PCDHGB6: variants seen among roughly 807,000 people sequenced by gnomAD.
PCDHGB6 encodes the protein protocadherin gamma-B6.
A neutral mutation model predicts 59.1 loss-of-function variants in PCDHGB6; 51 were observed. That is an observed-to-expected ratio of 0.86 (90% CI 0.69 to 1.09). The LOEUF (loss-of-function observed/expected upper bound fraction) is 1.09. Among genes scored for constraint, PCDHGB6 ranks in the 50% least tolerant of loss-of-function variants. The probability of loss-of-function intolerance (pLI) is 0.00; values close to 1 mark genes in which losing one functional copy is unlikely to be tolerated. For missense variants in PCDHGB6, 1,148 were observed against 1,205.1 expected (o/e 0.95, Z 0.70); for synonymous variants, 466 against 495.1 (o/e 0.94, Z 0.78).
Position 141,486,632 on chromosome 5 carries a change from A to G in PCDHGB6, c.2419-8175A>G, listed in dbSNP as rs1304397413. The G allele has an allele frequency of 6.2e-7, 1 of 1,613,580 alleles. No individual in the cohort carries two copies. Among genetic ancestry groups the G allele is most frequent in the Non-Finnish European group, 8.5e-7 (1 of 1,180,040 alleles). ...AGCCTCTGACCCAGACTCTGGCTTG[A>G]ATGCGCTTATCTCCTACTCACTCCT... On this transcript the variant is annotated intron_variant, in intron 1 of 3. Coordinates refer to ENST00000520790, the MANE Select transcript of PCDHGB6 (RefSeq NM_018926.3). This position sits in a 1 kb window ranked among gnomAD's most constrained non-coding sequence, Gnocchi z 5.0.
chr5:141,415,982 T>A lies in PCDHGB6; in HGVS notation c.2418+5362T>A, dbSNP rs531852883. The A allele has an allele frequency of 1.9e-4, 66 of 342,492 alleles. 1 individual carries two copies. Among genetic ancestry groups the A allele is most frequent in the African/African-American group, 1.3e-3 (59 of 46,668 alleles). 21.2% of individuals were successfully genotyped at this position (342,492 alleles called of 1,614,324 possible). A position where few individuals can be genotyped will look rare whatever the true frequency, so the allele number is the denominator to read the frequency against. ...AACTCCAGCCCCTTAAGCAACCCTC[T>A]TGTTCTGAAGGCAGGTCTGGTAAGA... On this transcript the variant is annotated intron_variant, in intron 1 of 3. Transcript: ENST00000520790.
At chr5:141,497,677 C>T in intron 2 of PCDHGB6, among the ~76,000 whole-genome samples, 1 of 151,836 alleles carries the variant, frequency 6.6e-6, no homozygotes, top group East Asian at 1.9e-4. Context: ...GTAGCTGGGA[C>T]AGCAGGTGTG....
chr5:141,420,960 T>C, intron 1 of PCDHGB6: 1 of 425,378 alleles, frequency 2.4e-6, no homozygotes, highest in East Asian at 3.9e-5. Context: ...TCTTAGTCGT[T>C]GCAATAATAA....
Position 141,506,991 on chromosome 5 carries a change from C to T in PCDHGB6, c.2566+1510C>T, listed in dbSNP as rs190455068. 3 of 152,366 alleles carry T rather than the reference C, an allele frequency of 2.0e-5. No homozygotes were observed. In the East Asian group the frequency reaches 5.8e-4, roughly 29 times the overall value. The allele number at this position is 152,366 out of a possible 1,614,324, so 9.4% of individuals were successfully genotyped here. A position where few individuals can be genotyped will look rare whatever the true frequency, so the allele number is the denominator to read the frequency against. The stretch of plus-strand genomic sequence containing the variant: ...TGCAAGGCAGGTCTGATTTCTCACA[C>T]TCGACAGATGAGAGAACCGAGAAGG... On this transcript the variant is annotated intron_variant, in intron 3 of 3. Coordinates refer to ENST00000520790, the MANE Select transcript of PCDHGB6 (RefSeq NM_018926.3).
intron 1 of PCDHGB6, chr5:141,428,158 G>C (rs776350833): frequency 3.8e-6 from 6 of 1,577,610 alleles, no homozygotes; most frequent in Non-Finnish European, 5.2e-6. Context: ...GGAACCTGCT[G>C]GTTGCTGTGC....
At position 141,432,032 on chromosome 5, in the gene PCDHGB6, A is replaced by G; in HGVS notation, c.2418+21412A>G. On this transcript the variant is annotated intron_variant, in intron 1 of 3. Coordinates refer to ENST00000520790, the MANE Select transcript of PCDHGB6 (RefSeq NM_018926.3). The surrounding 1 kb of genome is among the most constrained non-coding windows in gnomAD (Gnocchi z 6.0). ...TAGCTACAACATCACAGTGACCGCC[A>G]CTGACCGGGGAACCCCGCCCCTATC... 2 of 1,614,242 alleles carry G rather than the reference A, an allele frequency of 1.2e-6. No homozygotes were observed. Among genetic ancestry groups the G allele is most frequent in the South Asian group, 1.1e-5 (1 of 91,086 alleles).
At chr5:141,458,308 A>G (rs1363472724) in intron 1 of PCDHGB6, among the ~76,000 whole-genome samples, 1 of 152,196 alleles carries the variant, frequency 6.6e-6, no homozygotes, top group Non-Finnish European at 1.5e-5. Context: ...AGATAAAATG[A>G]CACAGACACA....
chr5:141,420,968 T>A (rs1031890748), intron 1 of PCDHGB6: 1 of 441,548 alleles, frequency 2.3e-6, no homozygotes, highest in Non-Finnish European at 4.0e-6. Context: ...GTTGCAATAA[T>A]AAGAATGGGC....
At position 141,485,800 on chromosome 5, in the gene PCDHGB6, C is replaced by T. The variant is rs1231777430; in HGVS notation, c.2419-9007C>T. On this transcript the variant is annotated intron_variant, in intron 1 of 3. Coordinates refer to ENST00000520790, the MANE Select transcript of PCDHGB6 (RefSeq NM_018926.3). This position sits in a 1 kb window ranked among gnomAD's most constrained non-coding sequence, Gnocchi z 5.7. The stretch of plus-strand genomic sequence containing the variant: ...ATCGAGAGAAGCAATCGGACTACCG[C>T]CTGGTGCTGACTGCTGTCGATGGAG... 1 of 1,614,228 alleles carries T rather than the reference C, an allele frequency of 6.2e-7. No homozygotes were observed. Among genetic ancestry groups the T allele is most frequent in the East Asian group, 2.2e-5 (1 of 44,878 alleles).
rs768990626 is a variant in PCDHGB6, at chr5:141,427,590, C to T, written c.2418+16970C>T. On this transcript the variant is annotated intron_variant, in intron 1 of 3. Coordinates refer to ENST00000520790, the MANE Select transcript of PCDHGB6 (RefSeq NM_018926.3). ...GCCTCCGCTCTCATCCAGCACAAGCCTCACCCTACGCATTGGTGAAGTCAA... is the reference window on the plus strand; with the variant it reads ...GCCTCCGCTCTCATCCAGCACAAGCTTCACCCTACGCATTGGTGAAGTCAA... 44 of 678,892 alleles carry T rather than the reference C, an allele frequency of 6.5e-5. No individual in the cohort carries two copies. In the Admixed American group the frequency reaches 8.5e-4, roughly 13 times the overall value. The allele number at this position is 678,892 out of a possible 1,614,324, so 42.1% of individuals were successfully genotyped here.
At position 141,408,867 on chromosome 5, in the gene PCDHGB6, G is replaced by T. The variant is rs376342658; in HGVS notation, c.665G>T (p.Arg222Ile). 5.5e-5 allele frequency: 88 copies of T among 1,613,574 alleles called. No homozygotes were observed. The highest frequency in any genetic ancestry group is 6.8e-5 in the Non-Finnish European group (80 of 1,179,830). ...LTALDGGDPP[R>I]SATAHIEISV... is the part of the protein sequence containing the mutation. ...GCCTTGGACGGAGGGGACCCACCAA[G>T]AAGTGCCACCGCTCACATAGAAATT... The change falls in exon 1 of 4, where the codon AGA becomes ATA. Residue 222 changes from arginine (R) to isoleucine (I), a missense_variant. By Grantham distance (97) the Arg-to-Ile change is moderately conservative. Transcript: ENST00000520790.
intron 1 of PCDHGB6, chr5:141,478,776 A>G (rs961079570): frequency 1.3e-6 from 2 of 1,488,690 alleles, no homozygotes; most frequent in East Asian, 2.5e-5. Flanking sequence ...TCATCTGTGG[A>G]CCTAATTCAC....
intron 1 of PCDHGB6, among the ~76,000 whole-genome samples, chr5:141,462,399 T>C (rs2099038838): frequency 6.6e-6 from 1 of 152,236 alleles, no homozygotes; most frequent in South Asian, 2.1e-4. Flanking sequence ...ATTTCTTTTA[T>C]GGCACAGAAT....
chr5:141,487,181 C>T lies in PCDHGB6; in HGVS notation c.2419-7626C>T. 3 of 1,612,732 alleles carry T rather than the reference C, an allele frequency of 1.9e-6. No individual in the cohort carries two copies. The highest frequency in any genetic ancestry group is 1.1e-5 in the South Asian group (1 of 91,060). ...CTTAGTGTCCTTAGAGGAAGACACT[C>T]ATCCAGTTGTCCCAGATCTTCGAGA... On this transcript the variant is annotated intron_variant, in intron 1 of 3. Transcript: ENST00000520790. This position sits in a 1 kb window ranked among gnomAD's most constrained non-coding sequence, Gnocchi z 5.0.
chr5:141,451,874 C>T (rs1264178631), intron 1 of PCDHGB6, among the ~76,000 whole-genome samples: 1 of 151,956 alleles, frequency 6.6e-6, no homozygotes, highest in Non-Finnish European at 1.5e-5. Context: ...GAATGAAACC[C>T]TGTCAAGAAA....
intron 1 of PCDHGB6, among the ~76,000 whole-genome samples, chr5:141,446,948 T>C (rs1166868490): frequency 6.6e-6 from 1 of 152,186 alleles, no homozygotes; most frequent in African/African-American, 2.4e-5. Context: ...GTAAGAAACA[T>C]CCAGCACCCA....
chr5:141,476,157 G>A lies in PCDHGB6; in HGVS notation c.2419-18650G>A. On this transcript the variant is annotated intron_variant, in intron 1 of 3. Transcript: ENST00000520790. The surrounding 1 kb of genome is among the most constrained non-coding windows in gnomAD (Gnocchi z 7.6). ...TGGAGGAGCGGACTGGTAAGCACCG[G>A]GAGGGTAGTGGGAGTTTTGCTTCTG... 1 of 1,612,752 alleles carries A rather than the reference G, an allele frequency of 6.2e-7. No homozygotes were observed. Among genetic ancestry groups the A allele is most frequent in the Non-Finnish European group, 8.5e-7 (1 of 1,179,898 alleles).
chr5:141,433,256 C>T, intron 1 of PCDHGB6: 2 of 1,385,666 alleles, frequency 1.4e-6, no homozygotes, highest in Non-Finnish European at 2.0e-6. Context: ...TGCAGCGGTA[C>T]GATCATAGCT....
chr5:141,421,239 G>C, intron 1 of PCDHGB6: 1 of 1,599,000 alleles, frequency 6.3e-7, no homozygotes, highest in South Asian at 1.1e-5. Flanking sequence ...TGGCGAATCG[G>C]CTACAGCGCG....
Sources: allele counts gnomAD v4.1 joint callset (sites outside exome capture counted in the v4.1 genomes callset), GRCh38; gene constraint gnomAD v4.1.1; non-coding constraint Gnocchi (gnomAD v3.1); transcripts MANE v1.5; gene names NCBI Gene and HGNC (gene_info 2026-07-23, HGNC 2026-07-21).